Variants in MBP observed in about 807,000 individuals in gnomAD.
MBP encodes the protein Golli-MBP.
Under a neutral mutation model 35.8 loss-of-function variants are expected in MBP, and 16 were observed. The observed-to-expected ratio is 0.45, with a 90% confidence interval of 0.30 to 0.68. The LOEUF (loss-of-function observed/expected upper bound fraction) is 0.68, where lower values mean the gene tolerates loss of function less well. MBP is among the 30% of genes least tolerant of loss of function. MBP has a pLI of 0.08. For synonymous variants in MBP, 143 were observed against 159.6 expected (o/e 0.90, Z 0.78); for missense variants, 380 against 404.7 (o/e 0.94, Z 0.52).
Position 77,101,994 on chromosome 18 carries a change from A to C in MBP, c.51+3217T>G, listed in dbSNP as rs890788122. Among the ~76,000 whole-genome samples the C allele has an allele frequency of 6.6e-6, 1 of 152,244 alleles. No homozygotes were observed. Among genetic ancestry groups the C allele is most frequent in the Non-Finnish European group, 1.5e-5 (1 of 68,050 alleles). ...ATGCTCCAGGCTTAGAGACGGAGGC[A>C]TCAGAGAGAGGAAAGTTCCCTCCTT... On this transcript the variant is annotated intron_variant, in intron 2 of 8. Coordinates refer to ENST00000355994, the MANE Select transcript of MBP (RefSeq NM_001025101.2). The surrounding 1 kb of genome is among the most constrained non-coding windows in gnomAD (Gnocchi z 4.3).
upstream of MBP, among the ~76,000 whole-genome samples, chr18:77,133,212 G>A (rs752990689): frequency 3.5e-4 from 54 of 152,336 alleles, no homozygotes; most frequent in Non-Finnish European, 7.1e-4. Flanking sequence ...CCTGCAGGAG[G>A]AGAGTCAGCC....
chr18:77,081,330 T>C (rs773880368), intron 2 of MBP, among the ~76,000 whole-genome samples: 1 of 152,152 alleles, frequency 6.6e-6, no homozygotes, highest in Non-Finnish European at 1.5e-5. Flanking sequence ...ATCCAGAATA[T>C]GTAAAGAATT....
chr18:77,076,124 C>T (rs1974639568), intron 2 of MBP, among the ~76,000 whole-genome samples: 1 of 152,244 alleles, frequency 6.6e-6, no homozygotes, highest in Non-Finnish European at 1.5e-5. Context: ...AATCCACTGC[C>T]TGCCTCTCAG....
intron 2 of MBP, among the ~76,000 whole-genome samples, chr18:77,094,811 G>A (rs762882191): frequency 3.7e-4 from 56 of 152,142 alleles, no homozygotes; most frequent in Non-Finnish European, 7.8e-4. Flanking sequence ...CGCAACTGTG[G>A]CCACTTCCAT....
intron 2 of MBP, among the ~76,000 whole-genome samples, chr18:77,086,007 TGACA>T (rs1027339851): frequency 1.3e-5 from 2 of 151,224 alleles, no homozygotes; most frequent in Admixed American, 1.3e-4. Flanking sequence ...AGAGAGAGAG[TGACA>T]GACAGACAGA....
intron 2 of MBP, among the ~76,000 whole-genome samples, chr18:77,069,354 A>G (rs1974336834): frequency 6.6e-6 from 1 of 152,232 alleles, no homozygotes; most frequent in African/African-American, 2.4e-5. Context: ...AATTCATGTC[A>G]TATTTTTTTA....
intron 1 of MBP, among the ~76,000 whole-genome samples, chr18:77,124,640 G>C (rs531019134): frequency 6.6e-6 from 1 of 151,756 alleles, no homozygotes; most frequent in South Asian, 2.1e-4. Flanking sequence ...GGGGCCAGTG[G>C]GGGAGAGCCC....
chr18:77,033,004 G>C (rs149026523), intron 3 of MBP, among the ~76,000 whole-genome samples: 1 of 152,110 alleles, frequency 6.6e-6, no homozygotes, highest in South Asian at 2.1e-4. Flanking sequence ...GTCTCACTCT[G>C]TGACCCAGGC....
chr18:77,042,140 C>T (rs1599127856), intron 3 of MBP, among the ~76,000 whole-genome samples: 2 of 152,104 alleles, frequency 1.3e-5, no homozygotes, highest in African/African-American at 4.8e-5. Flanking sequence ...TTTCTCTGAC[C>T]TTTTTTGGAA....
At chr18:77,098,168 CTTTT>C (rs3214873) in intron 2 of MBP, among the ~76,000 whole-genome samples, 29 of 108,526 alleles carry the variant, frequency 2.7e-4, no homozygotes, top group African/African-American at 5.1e-4. Context: ...CAAGGACTTC[CTTTT>C]TTTTTTTTTT....
intron 3 of MBP, among the ~76,000 whole-genome samples, chr18:77,041,330 GGACT>G (rs1224703963): frequency 6.6e-6 from 1 of 152,120 alleles, no homozygotes; most frequent in Admixed American, 6.5e-5. Context: ...ACTGTTGGTG[GGACT>G]GTAAACTAGT....
chr18:77,039,835 C>A (rs1972912774), intron 3 of MBP, among the ~76,000 whole-genome samples: 1 of 152,190 alleles, frequency 6.6e-6, no homozygotes, highest in Non-Finnish European at 1.5e-5. Flanking sequence ...AAGGGAAACG[C>A]AGGGGTGGAT....
At chr18:77,039,481 T>C (rs1972898540) in intron 3 of MBP, among the ~76,000 whole-genome samples, 1 of 152,148 alleles carries the variant, frequency 6.6e-6, no homozygotes, top group South Asian at 2.1e-4. Flanking sequence ...ATTTCATAAA[T>C]GAAATGGATG....
intron 1 of MBP, among the ~76,000 whole-genome samples, chr18:77,119,632 T>A (rs573546005): frequency 1.2e-4 from 18 of 152,066 alleles, no homozygotes; most frequent in Admixed American, 1.2e-3. Context: ...ACACCCTCCA[T>A]GTGTGTCTGG....
chr18:77,105,953 G>T (rs187471434), intron 1 of MBP, among the ~76,000 whole-genome samples: 2 of 152,290 alleles, frequency 1.3e-5, no homozygotes, highest in African/African-American at 2.4e-5. Flanking sequence ...CGGAAGAATT[G>T]AGCCACACCC....
rs1201771464 is a variant in MBP at position 77,131,079 on chromosome 18, G to GCACACACACACACACA, written c.-26+1500_-26+1501insTGTGTGTGTGTGTGTG. Among the ~76,000 whole-genome samples the GCACACACACACACACA allele has an allele frequency of 5.1e-5, 2 of 39,004 alleles. No individual in the cohort carries two copies. The highest frequency in any genetic ancestry group is 2.0e-4 in the Non-Finnish European group (2 of 10,018). 25.6% of individuals were successfully genotyped at this position (39,004 alleles called of 152,430 possible). On this transcript the variant is annotated intron_variant, in intron 1 of 8. Transcript: ENST00000355994. The surrounding 1 kb of genome is among the most constrained non-coding windows in gnomAD (Gnocchi z 5.5). The stretch of plus-strand genomic sequence containing the variant: ...AAACAAAACACACACACGCGCGCAC[G>GCACACACACACACACA]CACGCGCACACACACACACACACAC...
intron 4 of MBP, 71 bp downstream of exon 4, chr18:77,016,761 T>G (rs1568292226): frequency 1.3e-6 from 2 of 1,567,450 alleles, no homozygotes; most frequent in East Asian, 4.5e-5. Flanking sequence ...CTCTAATGGC[T>G]GAGTTCACCT....
At chr18:77,077,631 G>C (rs767967182) in intron 2 of MBP, among the ~76,000 whole-genome samples, 1 of 152,122 alleles carries the variant, frequency 6.6e-6, no homozygotes, top group Non-Finnish European at 1.5e-5. Context: ...GTGACTCCTC[G>C]ATGCTGGGCC....
At chr18:77,091,602 CA>C in intron 2 of MBP, among the ~76,000 whole-genome samples, 1 of 151,844 alleles carries the variant, frequency 6.6e-6, no homozygotes, top group African/African-American at 2.4e-5. Context: ...CACACACACA[CA>C]CACACACCCA....
Sources: allele counts gnomAD v4.1 joint callset (sites outside exome capture counted in the v4.1 genomes callset), GRCh38; gene constraint gnomAD v4.1.1; non-coding constraint Gnocchi (gnomAD v3.1); transcripts MANE v1.5; gene names NCBI Gene and HGNC (gene_info 2026-07-23, HGNC 2026-07-21).